Variants in HGF observed in about 807,000 individuals in gnomAD.
HGF encodes hepatocyte growth factor.
A neutral mutation model predicts 111.6 loss-of-function variants in HGF; 39 were observed. The observed-to-expected ratio is 0.35, with a 90% CI of 0.27 to 0.46. The LOEUF is 0.46. Ranked by LOEUF, HGF falls within the 20% of genes least tolerant of loss-of-function variation. The pLI is 1.00. For synonymous variants in HGF, 285 were observed against 294.8 expected (o/e 0.97, Z 0.34); for missense variants, 735 against 910.5 (o/e 0.81, Z 2.48).
At chr7:81,752,503 A>G (rs1788554282) in intron 4 of HGF, among the ~76,000 whole-genome samples, 1 of 152,060 alleles carries the variant, frequency 6.6e-6, no homozygotes, top group South Asian at 2.1e-4. Context: ...TGAGCCTGTG[A>G]ATTTGCTGAG....
intron 1 of HGF, among the ~76,000 whole-genome samples, chr7:81,765,885 T>C (rs569520882): frequency 1.3e-5 from 2 of 152,220 alleles, no homozygotes; most frequent in African/African-American, 4.8e-5. Context: ...TTCCCTACTA[T>C]TTTTTGTGCG....
intron 1 of HGF, among the ~76,000 whole-genome samples, chr7:81,768,442 C>T (rs1472437943): frequency 1.3e-5 from 2 of 152,096 alleles, no homozygotes; most frequent in African/African-American, 2.4e-5. Context: ...TGCGGTGACA[C>T]AATCTCGGCT....
At chr7:81,720,914 AC>A (rs1396858473) in intron 9 of HGF, 67 bp from the exon 10 acceptor site, 1 of 848,462 alleles carries the variant, frequency 1.2e-6, no homozygotes, top group Non-Finnish European at 2.0e-6. Context: ...AAGGTTTTTT[AC>A]AAGTATATGG....
At chr7:81,748,948 T>C (rs2116083750) in intron 5 of HGF, among the ~76,000 whole-genome samples, 1 of 152,344 alleles carries the variant, frequency 6.6e-6, no homozygotes, top group East Asian at 1.9e-4. Flanking sequence ...CTAAAAGAGT[T>C]ATTTTGAAAG....
At chr7:81,765,894 C>T (rs117449050) in intron 1 of HGF, among the ~76,000 whole-genome samples, 1,582 of 152,216 alleles carry the variant, frequency 0.01, 14 homozygotes, top group South Asian at 0.046. Context: ...ATTTTTTGTG[C>T]GTGACTGTTA....
chr7:81,711,622 A>T (rs1051005195), intron 11 of HGF, 103 bp from the exon 12 acceptor site: 3 of 538,356 alleles, frequency 5.6e-6, no homozygotes, highest in Non-Finnish European at 9.9e-6. Context: ...GAATTCAGTA[A>T]TTTACTAAAA....
At chr7:81,754,640 T>C (rs778282378) in intron 4 of HGF, among the ~76,000 whole-genome samples, 1 of 152,016 alleles carries the variant, frequency 6.6e-6, no homozygotes, top group Non-Finnish European at 1.5e-5. Context: ...ATCAAAAACC[T>C]CTCTAGGACA....
chr7:81,757,274 C>T lies in HGF; in HGVS notation c.397G>A (p.Gly133Arg). 1.2e-6 allele frequency: 2 copies of T among 1,600,446 alleles called. No homozygotes were observed. The highest frequency in any genetic ancestry group is 1.7e-6 in the Non-Finnish European group (2 of 1,167,552). ...DYIRNCIIGK[G>R]RSYKGTVSIT... ...GATACTGTTCCCTTGTAGCTGCGTC[C>T]TTTACCAATGATGCAGTTTCTAATG... The change falls in exon 4 of 18, where the codon GGA becomes AGA. Residue 133 changes from glycine (G) to arginine (R), a missense_variant. Physicochemically the swap from Gly to Arg is moderately radical, Grantham distance 125. This residue lies in a region of HGF where 553 missense variants were observed against 685.6 expected (regional missense o/e 0.81). Transcript: ENST00000222390.
At chr7:81,742,241 C>G (rs1788036815) in intron 7 of HGF, among the ~76,000 whole-genome samples, 1 of 152,104 alleles carries the variant, frequency 6.6e-6, no homozygotes, top group Non-Finnish European at 1.5e-5. Flanking sequence ...AAGAGTTGTC[C>G]AAAACATTTC....
intron 1 of HGF, among the ~76,000 whole-genome samples, chr7:81,769,279 T>C (rs1789514362): frequency 6.6e-6 from 1 of 152,178 alleles, no homozygotes; most frequent in African/African-American, 2.4e-5. Context: ...AAAGTCTCCG[T>C]GCACTGCAGT....
chr7:81,760,680 CGT>C (rs55865050), intron 2 of HGF, among the ~76,000 whole-genome samples: 23,921 of 139,174 alleles, frequency 0.17, 2,088 homozygotes, highest in Non-Finnish European at 0.2. Context: ...TATGTGCGTG[CGT>C]GTGTGTGTGT....
chr7:81,737,316 C>T (rs1028600152), intron 7 of HGF, among the ~76,000 whole-genome samples: 5 of 151,866 alleles, frequency 3.3e-5, no homozygotes, highest in East Asian at 1.9e-4. Context: ...AGAGAAGAGG[C>T]GAGTTTCTGG....
intron 5 of HGF, among the ~76,000 whole-genome samples, chr7:81,749,699 A>G (rs115005085): frequency 0.011 from 1,693 of 152,182 alleles, 31 homozygotes; most frequent in African/African-American, 0.037. Context: ...CTGGAAGGTG[A>G]TAAATGTGAT....
chr7:81,753,896 T>A (rs1458528299), intron 4 of HGF, among the ~76,000 whole-genome samples: 5 of 152,012 alleles, frequency 3.3e-5, no homozygotes, highest in Non-Finnish European at 5.9e-5. Flanking sequence ...TAAACTTTTT[T>A]AAAAAGTCAT....
intron 8 of HGF, among the ~76,000 whole-genome samples, chr7:81,728,635 G>GA (rs538317594): frequency 6.6e-6 from 1 of 152,106 alleles, no homozygotes; most frequent in Non-Finnish European, 1.5e-5. Context: ...AAACTAATGG[G>GA]AAAAAATCTT....
At chr7:81,751,119 T>C (rs1002415969) in intron 5 of HGF, 11 of 917,170 alleles carry the variant, frequency 1.2e-5, no homozygotes, top group Non-Finnish European at 1.4e-5. Flanking sequence ...GTGATAAATA[T>C]CAACCTAATA....
At position 81,745,095 on chromosome 7, in the gene HGF, C is replaced by A. The variant is rs2116046191; in HGVS notation, c.651G>T (p.Glu217Asp). 6.2e-7 allele frequency: 1 copy of A among 1,613,876 alleles called. No homozygotes were observed. The change falls in exon 6 of 18, where the codon GAG becomes GAT. Residue 217 changes from glutamate (E) to aspartate (D), a missense_variant. By Grantham distance (45) the Glu-to-Asp change is conservative (BLOSUM62 2). This residue lies in a region of HGF where 553 missense variants were observed against 685.6 expected (regional missense o/e 0.81). Coordinates refer to ENST00000222390, the MANE Select transcript of HGF (RefSeq NM_000601.6). ...SEVECMTCNG[E>D]SYRGLMDHTE... ...TATGATCCATGAGACCTCGATAACT[C>A]TCCCCATTGCAGGTCATGCATTCAA...
At chr7:81,727,188 CTG>C (rs1334810290) in intron 8 of HGF, among the ~76,000 whole-genome samples, 1 of 145,954 alleles carries the variant, frequency 6.9e-6, no homozygotes, top group African/African-American at 2.5e-5. Flanking sequence ...TTACAGGTGC[CTG>C]CCACCACGCC....
At chr7:81,705,877 A>G in intron 15 of HGF, 124 bp from the exon 16 acceptor site, 6 of 672,310 alleles carry the variant, frequency 8.9e-6, no homozygotes, top group Non-Finnish European at 1.3e-5. Flanking sequence ...TCTTAAAAAA[A>G]AAAAAAAAAA....
Sources: gnomAD v4.1 joint callset for allele counts (sites outside exome capture counted in the v4.1 genomes callset) on GRCh38, gnomAD v4.1.1 for gene constraint, gnomAD v4.1.1 regional missense constraint, MANE v1.5 for transcripts, NCBI Gene and HGNC (gene_info 2026-07-23, HGNC 2026-07-21) for gene names.